Variants in AHRR observed in about 807,000 individuals in gnomAD.
AHRR encodes the protein ahR repressor.
In AHRR, 28 loss-of-function variants were observed where a neutral mutation model predicts 44.0. That is an observed-to-expected ratio of 0.64 (90% confidence interval 0.47 to 0.87). The LOEUF (loss-of-function observed/expected upper bound fraction) is 0.87, where lower values mean the gene tolerates loss of function less well. Ranked by LOEUF, AHRR falls within the 40% of genes least tolerant of loss-of-function variation. The probability of loss-of-function intolerance (pLI) is 0.00; values close to 1 mark genes in which losing one functional copy is unlikely to be tolerated. For missense variants in AHRR, 990 were observed against 953.9 expected (o/e 1.04, Z -0.50); for synonymous variants, 434 against 407.0 (o/e 1.07, Z -0.80).
intron 7 of AHRR, among the ~76,000 whole-genome samples, chr5:424,333 GCA>G (rs1401424560): frequency 2.7e-5 from 4 of 147,126 alleles, no homozygotes; most frequent in Admixed American, 6.8e-5. Flanking sequence ...AGAGGGCTGG[GCA>G]CTGAGCTCTG....
rs182846716 is a variant in AHRR at position 381,725 on chromosome 5, A to T, written c.351+5009A>T. Among the ~76,000 whole-genome samples the T allele has an allele frequency of 9.0e-3, 1,372 of 152,078 alleles. 8 individuals carry two copies. The highest frequency in any genetic ancestry group is 0.013 in the Non-Finnish European group (900 of 67,992). On this transcript the variant is annotated intron_variant, in intron 4 of 10. Coordinates refer to ENST00000684583, the MANE Select transcript of AHRR (RefSeq NM_001377236.1). ...GAGACGGGGTTTCACCATGTTGGCC[A>T]GGCTGGTCTCGAACTCCTGACCTCG... is the stretch of plus-strand genomic sequence containing the variant.
intron 3 of AHRR, among the ~76,000 whole-genome samples, chr5:354,506 T>C (rs1458699674): frequency 6.6e-6 from 1 of 152,260 alleles, no homozygotes; most frequent in East Asian, 1.9e-4. Flanking sequence ...TCCCCAGGCC[T>C]GTGCCCTGTC....
intron 4 of AHRR, among the ~76,000 whole-genome samples, chr5:410,432 G>T (rs1233819264): frequency 6.6e-6 from 1 of 152,102 alleles, no homozygotes; most frequent in Non-Finnish European, 1.5e-5. Context: ...GGCTGGTCTT[G>T]AACTGCTGGG....
At chr5:362,687 A>G (rs1338431386) in intron 3 of AHRR, among the ~76,000 whole-genome samples, 1 of 152,196 alleles carries the variant, frequency 6.6e-6, no homozygotes, top group East Asian at 1.9e-4. Flanking sequence ...TTTCCCAAGT[A>G]CTGTTGTAGT....
rs1047622927 is a variant in AHRR, at chr5:436,194, C to T, written c.*1360C>T. 1 of 152,010 alleles carries T rather than the reference C, an allele frequency of 6.6e-6. No homozygotes were observed. The highest frequency in any genetic ancestry group is 1.9e-4 in the East Asian group (1 of 5,304). The allele number at this position is 152,010 out of a possible 1,614,324, so 9.4% of individuals were successfully genotyped here. ...GAGCCCATGGGTGAGGGACCCACCA[C>T]CCCGCTGCACTGTGCATTGTGCCTC... On this transcript the variant is annotated 3_prime_UTR_variant, in exon 11 of 11. Transcript: ENST00000684583.
At chr5:420,428 T>C (rs1736022092) in intron 5 of AHRR, among the ~76,000 whole-genome samples, 1 of 152,172 alleles carries the variant, frequency 6.6e-6, no homozygotes, top group South Asian at 2.1e-4. Flanking sequence ...GACCCCCCAC[T>C]GCTCACCAAA....
chr5:427,785 CT>C, intron 7 of AHRR, 21 bp from the exon 8 acceptor site: 1 of 1,613,112 alleles, frequency 6.2e-7, no homozygotes, highest in Non-Finnish European at 8.5e-7. Context: ...ACACGCCTTC[CT>C]CTCTGTCTTT....
At chr5:331,629 G>A (rs916714058) in intron 1 of AHRR, among the ~76,000 whole-genome samples, 2 of 152,162 alleles carry the variant, frequency 1.3e-5, no homozygotes, top group African/African-American at 4.8e-5. Context: ...CAACCCCCAG[G>A]CCTCGGACCG....
intron 1 of AHRR, among the ~76,000 whole-genome samples, chr5:325,488 G>A (rs1366907129): frequency 2.0e-5 from 3 of 152,306 alleles, no homozygotes; most frequent in African/African-American, 7.2e-5. Context: ...TGTCCTTGCA[G>A]GCTGGCCTCC....
Position 343,960 on chromosome 5 carries a change from A to G in AHRR, c.58A>G (p.Lys20Glu). Reference protein sequence around the residue: ...AGRKRRRPLQKQRPAVGAEKS... With the variant: ...AGRKRRRPLQEQRPAVGAEKS... The stretch of plus-strand genomic sequence containing the variant: ...CCGGAAGCGGAGGAGGCCCCTGCAG[A>G]AACAGTAAAGTATCCCGCCTTCTGC... The change falls in exon 2 of 11, where the codon AAA (lysine) becomes GAA (glutamate). Residue 20 changes from lysine to glutamate, a missense_variant. Transcript: ENST00000684583. 1.3e-6 allele frequency: 2 copies of G among 1,598,490 alleles called. No individual in the cohort carries two copies. Among genetic ancestry groups the G allele is most frequent in the Non-Finnish European group, 1.7e-6 (2 of 1,173,282 alleles).
intron 4 of AHRR, among the ~76,000 whole-genome samples, chr5:386,306 C>T (rs1734166667): frequency 6.6e-6 from 1 of 152,098 alleles, no homozygotes; most frequent in Admixed American, 6.5e-5. Flanking sequence ...GATAATGGGC[C>T]CAAAGCTGTT....
chr5:398,249 A>G lies in AHRR; in HGVS notation c.352-15095A>G, dbSNP rs898426079. Among the ~76,000 whole-genome samples, 4 of 147,914 alleles carry G rather than the reference A, an allele frequency of 2.7e-5. No individual in the cohort carries two copies. The East Asian group carries it at 8.3e-4, about 31-fold the overall frequency. On this transcript the variant is annotated intron_variant, in intron 4 of 10. Transcript: ENST00000684583. ...TGACCATCCATGTTAGCCCCTGACC[A>G]TCCACGTAGCTCCTGACCATCCACG...
At chr5:322,785 A>C (rs1457303713) in intron 1 of AHRR, 1 of 152,252 alleles carries the variant, frequency 6.6e-6, no homozygotes, top group East Asian at 1.9e-4. Flanking sequence ...CTGAAAAGCC[A>C]CGAGTAACAA....
At chr5:393,643 T>C (rs1007552685) in intron 4 of AHRR, among the ~76,000 whole-genome samples, 2 of 128,426 alleles carry the variant, frequency 1.6e-5, no homozygotes, top group Admixed American at 1.4e-4. Context: ...TTGTTTTCTT[T>C]GGTTTTTTTT....
chr5:398,855 C>T (rs1479972389), intron 4 of AHRR, among the ~76,000 whole-genome samples: 2 of 152,164 alleles, frequency 1.3e-5, no homozygotes, highest in African/African-American at 4.8e-5. Context: ...GGCCCTGGCT[C>T]CAGCAGCCGC....
At chr5:325,366 TG>T (rs1363989999) in intron 1 of AHRR, among the ~76,000 whole-genome samples, 1 of 152,202 alleles carries the variant, frequency 6.6e-6, no homozygotes, top group Non-Finnish European at 1.5e-5. Flanking sequence ...CGGCCCACCT[TG>T]GGGTGCTGGG....
chr5:368,050 G>T, intron 3 of AHRR: 1 of 634,244 alleles, frequency 1.6e-6, no homozygotes. Flanking sequence ...GGTGTTAGTT[G>T]TAAATTCATG....
chr5:425,590 T>G (rs1271412925), intron 7 of AHRR, among the ~76,000 whole-genome samples: 1 of 152,232 alleles, frequency 6.6e-6, no homozygotes, highest in Non-Finnish European at 1.5e-5. Context: ...TGTTGTTCGT[T>G]TTTTAAAATT....
At chr5:428,581 C>T in intron 8 of AHRR, among the ~76,000 whole-genome samples, 1 of 152,196 alleles carries the variant, frequency 6.6e-6, no homozygotes. Context: ...TGGTGGAAGA[C>T]AATTTTTCCA....
Sources: gnomAD v4.1 joint callset for allele counts (sites outside exome capture counted in the v4.1 genomes callset) on GRCh38, gnomAD v4.1.1 for gene constraint, MANE v1.5 for transcripts, NCBI Gene and HGNC (gene_info 2026-07-23, HGNC 2026-07-21) for gene names.